The following CEP95 variants were observed in gnomAD, a reference collection of about 807,000 sequenced individuals.
The protein encoded by CEP95 is centrosomal protein 95, also known as centrosomal protein of 95 kDa.
CEP95 carries 98 observed loss-of-function variants against 111.2 expected under a neutral mutation model. The observed-to-expected ratio is 0.88, with a 90% CI of 0.75 to 1.04. The LOEUF is 1.04. CEP95 is among the 50% of genes least tolerant of loss of function. The probability of loss-of-function intolerance (pLI) is 0.00; values close to 1 mark genes in which losing one functional copy is unlikely to be tolerated. For missense variants in CEP95, 1,027 were observed against 977.2 expected (o/e 1.05, Z -0.68); for synonymous variants, 323 against 327.1 (o/e 0.99, Z 0.14).
chr17:64,528,336 T>C (rs1403148123), intron 11 of CEP95, among the ~76,000 whole-genome samples: 1 of 152,236 alleles, frequency 6.6e-6, no homozygotes, highest in East Asian at 1.9e-4. Context: ...GCTCTTTCCT[T>C]CTCTTGATTA....
chr17:64,509,366 C>G (rs1469497083), intron 2 of CEP95, among the ~76,000 whole-genome samples: 2 of 152,164 alleles, frequency 1.3e-5, no homozygotes, highest in Non-Finnish European at 2.9e-5. Flanking sequence ...ACCAATAATT[C>G]TAGTTGGCTA....
At chr17:64,532,295 C>G (rs1968335835) in intron 14 of CEP95, 2 of 1,155,324 alleles carry the variant, frequency 1.7e-6, no homozygotes, top group African/African-American at 1.6e-5. Flanking sequence ...TGCTTACTCA[C>G]TTTGACTGCC....
At chr17:64,522,626 G>GGTAT (rs1356350209) in intron 7 of CEP95, 76 bp from the exon 8 acceptor site, 3 of 879,158 alleles carry the variant, frequency 3.4e-6, no homozygotes, top group South Asian at 1.7e-5. Flanking sequence ...TGTTTATATA[G>GGTAT]GTATGTATGT....
intron 1 of CEP95, chr17:64,508,353 G>A (rs2038693908): frequency 4.1e-6 from 4 of 985,070 alleles, no homozygotes; most frequent in Admixed American, 6.1e-5. Context: ...TGAATTTGCA[G>A]TATAGTTTTG....
chr17:64,509,843 G>A (rs372785471), intron 2 of CEP95, among the ~76,000 whole-genome samples: 1 of 151,838 alleles, frequency 6.6e-6, no homozygotes, highest in South Asian at 2.1e-4. Flanking sequence ...TGAATTTAGG[G>A]ACCACTTTAT....
In CEP95 at chr17:64,522,811, C is replaced by T; in HGVS notation, c.825C>T (p.Pro275=). 6.2e-7 allele frequency: 1 copy of T among 1,613,848 alleles called. No individual in the cohort carries two copies. The highest frequency in any genetic ancestry group is 8.5e-7 in the Non-Finnish European group (1 of 1,179,836). ...ACCACCCTTCAGAGCCTCGAGCACCCTGCCCCATAGGAAAAGAATACTTGC... is the reference window on the plus strand; with the variant it reads ...ACCACCCTTCAGAGCCTCGAGCACCTTGCCCCATAGGAAAAGAATACTTGC... The part of the protein sequence containing the change: ...PPYHPSEPRA[P]CPIGKEYLHS... The change falls in exon 8 of 20, where the codon CCC becomes CCT. Residue 275 remains proline, a synonymous_variant. Coordinates refer to ENST00000556440, the MANE Select transcript of CEP95 (RefSeq NM_138363.3).
intron 13 of CEP95, 61 bp downstream of exon 13, chr17:64,531,079 A>G: frequency 1.0e-6 from 1 of 981,556 alleles, no homozygotes; most frequent in Middle Eastern, 2.1e-4. Context: ...AAGTACAAAG[A>G]TGATCTTTTT....
intron 11 of CEP95, 134 bp downstream of exon 11, chr17:64,527,398 C>T: frequency 1.7e-6 from 1 of 597,258 alleles, no homozygotes; most frequent in Non-Finnish European, 2.6e-6. Context: ...TAATATCAAA[C>T]ACCTGGATCT....
chr17:64,520,154 G>A (rs563865882), intron 6 of CEP95, among the ~76,000 whole-genome samples: 49 of 152,326 alleles, frequency 3.2e-4, no homozygotes, highest in Non-Finnish European at 6.0e-4. Flanking sequence ...TGGATTGATT[G>A]GGAATGGAAG....
chr17:64,535,643 A>G (rs1269183173), intron 17 of CEP95: 1 of 152,210 alleles, frequency 6.6e-6, no homozygotes, highest in African/African-American at 2.4e-5. Flanking sequence ...GGGCTGTAAA[A>G]TGGTGCAGCT....
At chr17:64,525,652 A>G (rs1967753436) in intron 8 of CEP95, 118 bp from the exon 9 acceptor site, 9 of 622,346 alleles carry the variant, frequency 1.4e-5, no homozygotes, top group Non-Finnish European at 2.2e-5. Context: ...TGCACTTCAA[A>G]ACACGGAGAT....
intron 12 of CEP95, 60 bp from the exon 13 acceptor site, chr17:64,530,866 A>G (rs1968227979): frequency 1.0e-6 from 1 of 953,046 alleles, no homozygotes; most frequent in African/African-American, 1.7e-5. Flanking sequence ...CAGCTAAGCC[A>G]TGGTGCTGCC....
Position 64,522,696 on chromosome 17 carries a change from T to G in CEP95, c.716-6T>G. On this transcript the variant is annotated splice_region_variant and splice_polypyrimidine_tract_variant and intron_variant, in intron 7 of 19. Transcript: ENST00000556440. ...TCGTAATATCCACTTTAATTTGTCT[T>G]ACTAGCGGAAACCCTTTCTGTGAGT... 6.2e-7 allele frequency: 1 copy of G among 1,609,440 alleles called. No individual in the cohort carries two copies. Among genetic ancestry groups the G allele is most frequent in the South Asian group, 1.1e-5 (1 of 90,696 alleles).
At chr17:64,511,335 C>A (rs954737301) in intron 3 of CEP95, among the ~76,000 whole-genome samples, 3 of 152,174 alleles carry the variant, frequency 2.0e-5, no homozygotes, top group Non-Finnish European at 4.4e-5. Flanking sequence ...TTCAGCCCTA[C>A]AGTCTACAGA....
At position 64,524,170 on chromosome 17, in the gene CEP95, G is replaced by C. The variant is rs540309029; in HGVS notation, c.909+1275G>C. 4.6e-5 allele frequency among the ~76,000 whole-genome samples: 7 copies of C among 152,256 alleles called. No individual in the cohort carries two copies. The South Asian group carries it at 1.5e-3, about 32-fold the overall frequency. ...GGGTTTTAGAGATATTTCTGAGTTG[G>C]TAATACTCTGTTTCTTGACCTGGGT... On this transcript the variant is annotated intron_variant, in intron 8 of 19. Coordinates refer to ENST00000556440, the MANE Select transcript of CEP95 (RefSeq NM_138363.3).
intron 5 of CEP95, among the ~76,000 whole-genome samples, chr17:64,517,374 C>T (rs899175252): frequency 1.3e-5 from 2 of 151,930 alleles, no homozygotes; most frequent in Admixed American, 6.6e-5. Context: ...CATCAAAGTA[C>T]GTCATCATCT....
intron 8 of CEP95, 59 bp downstream of exon 8, chr17:64,522,954 G>A: frequency 1.5e-6 from 2 of 1,343,120 alleles, no homozygotes; most frequent in Non-Finnish European, 1.0e-6. Flanking sequence ...ATGTCTGTGT[G>A]TGTGTTGGTA....
chr17:64,515,680 A>T (rs1239540510), intron 4 of CEP95: 1 of 152,228 alleles, frequency 6.6e-6, no homozygotes, highest in Non-Finnish European at 1.5e-5. Flanking sequence ...ACAGTACCTT[A>T]GCTGGACAGC....
chr17:64,530,999 A>G lies in CEP95; in HGVS notation c.1520A>G (p.His507Arg). The G allele has an allele frequency of 6.5e-7, 1 of 1,550,180 alleles. No homozygotes were observed. Among genetic ancestry groups the G allele is most frequent in the Non-Finnish European group, 8.7e-7 (1 of 1,144,498 alleles). ...VQENIGPLRI[H>R]EKEEETEKIY... Reference sequence around the variant, plus strand: ...GAGAATATTGGACCTCTAAGAATACATGAGAAGGAGGAGGAAACAGTGGGT... The same window carrying G: ...GAGAATATTGGACCTCTAAGAATACGTGAGAAGGAGGAGGAAACAGTGGGT... Residue 507 changes from histidine to arginine, a missense_variant, in exon 13 of 20, where the codon CAT (histidine) becomes CGT (arginine). By Grantham distance (29) the His-to-Arg change is conservative (BLOSUM62 0). Transcript: ENST00000556440.
Sources: allele counts gnomAD v4.1 joint callset (sites outside exome capture counted in the v4.1 genomes callset), GRCh38; gene constraint gnomAD v4.1.1; transcripts MANE v1.5; gene names NCBI Gene and HGNC (gene_info 2026-07-23, HGNC 2026-07-21).